CDC27: variants seen among roughly 807,000 people sequenced by gnomAD.
CDC27 encodes the protein cell division cycle protein 27 homolog.
CDC27 carries 27 observed loss-of-function variants against 109.7 expected under a neutral mutation model. That is an observed-to-expected ratio of 0.25 (90% CI 0.18 to 0.34). The LOEUF (loss-of-function observed/expected upper bound fraction) is 0.34, where lower values mean the gene tolerates loss of function less well. Among genes scored for constraint, CDC27 ranks in the 10% least tolerant of loss-of-function variants. The pLI, the probability that CDC27 is intolerant of heterozygous loss-of-function variation, is 1.00. For synonymous variants in CDC27, 266 were observed against 333.9 expected, an observed-to-expected ratio of 0.80 and a Z score of 2.22; for missense variants, 579 against 960.2, an observed-to-expected ratio of 0.60 and a Z score of 5.25.
intron 12 of CDC27, among the ~76,000 whole-genome samples, chr17:47,140,272 C>T (rs2062755635): frequency 6.6e-6 from 1 of 152,112 alleles, no homozygotes; most frequent in South Asian, 2.1e-4. Flanking sequence ...GCCACCACAC[C>T]CAGCTAATTT....
chr17:47,120,748 T>G lies in CDC27; in HGVS notation c.*187A>C. 2.0e-6 allele frequency: 1 copy of G among 498,252 alleles called. No homozygotes were observed. The allele number at this position is 498,252 out of a possible 1,614,324, so 30.9% of individuals were successfully genotyped here. A position where few individuals can be genotyped will look rare whatever the true frequency, so the allele number is the denominator to read the frequency against. On this transcript the variant is annotated 3_prime_UTR_variant, in exon 19 of 19. Coordinates refer to ENST00000066544, the MANE Select transcript of CDC27 (RefSeq NM_001256.6). ...ATACTGGTAAAAGAGCCAGTCTTGT[T>G]AGCAGCTAAATATTGCACTGCCTTT...
At position 47,169,925 on chromosome 17, in the gene CDC27, A is replaced by G; in HGVS notation, c.369T>C (p.His123=). Reference sequence around the variant, plus strand: ...GAATCATTCTTACTTACCAATATACATGTCCCAACAATGAAAGAGTAAAGC... The same window carrying G: ...GAATCATTCTTACTTACCAATATACGTGTCCCAACAATGAAAGAGTAAAGC... ...SACFTLSLLG[H]VYCKTDRLAK... is the part of the protein sequence containing the mutation. Residue 123 remains histidine (H), a synonymous_variant, in exon 4 of 19, where the codon CAT becomes CAC. Transcript: ENST00000066544. The G allele has an allele frequency of 6.3e-7, 1 of 1,589,820 alleles. No individual in the cohort carries two copies. The highest frequency in any genetic ancestry group is 8.5e-7 in the Non-Finnish European group (1 of 1,172,028).
At chr17:47,132,918 T>G (rs2062397367) in intron 14 of CDC27, among the ~76,000 whole-genome samples, 1 of 138,526 alleles carries the variant, frequency 7.2e-6, no homozygotes, top group Non-Finnish European at 1.5e-5. Flanking sequence ...CAACTACAGG[T>G]GCACGCCACC....
intron 1 of CDC27, among the ~76,000 whole-genome samples, chr17:47,185,922 G>A (rs1223955987): frequency 9.2e-5 from 14 of 152,196 alleles, no homozygotes; most frequent in Admixed American, 9.2e-4. Context: ...AATGTCTAGA[G>A]GGTATTTTTG....
At chr17:47,186,598 T>C (rs1353012580) in intron 1 of CDC27, among the ~76,000 whole-genome samples, 1 of 152,164 alleles carries the variant, frequency 6.6e-6, no homozygotes, top group Non-Finnish European at 1.5e-5. Flanking sequence ...ATAGTTACCA[T>C]TAAAAATAAA....
At chr17:47,186,907 A>G (rs1168975511) in intron 1 of CDC27, among the ~76,000 whole-genome samples, 1 of 152,032 alleles carries the variant, frequency 6.6e-6, no homozygotes, top group Admixed American at 6.6e-5. Context: ...CTGTCATCAT[A>G]GTTTTTTTTT....
chr17:47,168,215 C>A (rs2063707411), intron 4 of CDC27, among the ~76,000 whole-genome samples: 1 of 152,152 alleles, frequency 6.6e-6, no homozygotes, highest in Non-Finnish European at 1.5e-5. Context: ...TAATCTTCAG[C>A]TCCTCTCACC....
intron 9 of CDC27, among the ~76,000 whole-genome samples, chr17:47,149,099 AAAAG>A (rs1598474484): frequency 6.6e-6 from 1 of 151,888 alleles, no homozygotes; most frequent in East Asian, 1.9e-4. Flanking sequence ...AAAAAAAAGA[AAAAG>A]AAAGAAATTC....
chr17:47,145,645 G>A (rs1322918805), intron 9 of CDC27, among the ~76,000 whole-genome samples: 1 of 152,156 alleles, frequency 6.6e-6, no homozygotes, highest in Non-Finnish European at 1.5e-5. Context: ...GCTCACACAT[G>A]TAATCCCAGC....
At chr17:47,125,593 C>T (rs553245930) in intron 16 of CDC27, among the ~76,000 whole-genome samples, 126 of 147,258 alleles carry the variant, frequency 8.6e-4, no homozygotes, top group African/African-American at 2.6e-3. Context: ...TTTGCTCTGT[C>T]GTCCAGCCTG....
chr17:47,138,666 G>A, intron 13 of CDC27, 73 bp downstream of exon 13: 1 of 1,030,316 alleles, frequency 9.7e-7, no homozygotes, highest in Admixed American at 2.1e-5. Flanking sequence ...TGTTTGAATT[G>A]CTTGGTTCAT....
intron 9 of CDC27, among the ~76,000 whole-genome samples, chr17:47,149,487 G>C (rs1745691320): frequency 6.7e-6 from 1 of 148,198 alleles, no homozygotes; most frequent in African/African-American, 2.5e-5. Context: ...CTTCAGCCTG[G>C]TGACAGAGTG....
intron 1 of CDC27, chr17:47,188,753 A>C (rs2064549468): frequency 9.6e-7 from 1 of 1,046,052 alleles, no homozygotes; most frequent in Non-Finnish European, 1.2e-6. Flanking sequence ...TACCGTCACG[A>C]AGATCACACA....
chr17:47,129,471 T>A lies in CDC27; in HGVS notation c.2082A>T (p.Lys694Asn), dbSNP rs1249008590. The A allele has an allele frequency of 2.5e-6, 4 of 1,609,794 alleles. No individual in the cohort carries two copies. Among genetic ancestry groups the A allele is most frequent in the Non-Finnish European group, 3.4e-6 (4 of 1,176,366 alleles). ...GGTTCTTGGGATCAATGACAATGGC[T>A]TTGTTTAGGGTATCCAAAGCCTTCT... The part of the protein sequence containing the change: ...KSEKALDTLN[K>N]AIVIDPKNPL... Residue 694 changes from lysine (K) to asparagine (N), a missense_variant, in exon 16 of 19, where the codon AAA (lysine) becomes AAT (asparagine). By Grantham distance (94) the Lys-to-Asn change is moderately conservative (BLOSUM62 0). Transcript: ENST00000066544.
intron 4 of CDC27, among the ~76,000 whole-genome samples, chr17:47,160,525 C>G (rs949833695): frequency 2.6e-5 from 4 of 152,082 alleles, no homozygotes; most frequent in African/African-American, 9.7e-5. Context: ...AGCACCTGGT[C>G]GCCTCCTCCT....
chr17:47,154,556 A>C, intron 8 of CDC27, 116 bp downstream of exon 8: 2 of 602,744 alleles, frequency 3.3e-6, no homozygotes, highest in South Asian at 4.5e-5. Context: ...GCTGGGTTCA[A>C]ATATAAGGCA....
chr17:47,182,698 T>C (rs1292203614), intron 1 of CDC27, among the ~76,000 whole-genome samples: 1 of 152,228 alleles, frequency 6.6e-6, no homozygotes, highest in Non-Finnish European at 1.5e-5. Context: ...CATTGCTGAA[T>C]AAATAATATT....
At chr17:47,169,696 T>C (rs768902228) in intron 4 of CDC27, 18 of 335,638 alleles carry the variant, frequency 5.4e-5, no homozygotes, top group Non-Finnish European at 7.5e-5. Context: ...ACATGTATGA[T>C]CAATTGTTAG....
At position 47,118,904 on chromosome 17, in the gene CDC27, T is replaced by A. The variant is rs1356803992; in HGVS notation, c.*2031A>T. The A allele has an allele frequency of 6.6e-6, 1 of 152,162 alleles. No individual in the cohort carries two copies. Among genetic ancestry groups the A allele is most frequent in the Non-Finnish European group, 1.5e-5 (1 of 68,028 alleles). The allele number at this position is 152,162 out of a possible 1,614,324, so 9.4% of individuals were successfully genotyped here. A position where few individuals can be genotyped will look rare whatever the true frequency, so the allele number is the denominator to read the frequency against. On this transcript the variant is annotated 3_prime_UTR_variant, in exon 19 of 19. Coordinates refer to ENST00000066544, the MANE Select transcript of CDC27 (RefSeq NM_001256.6). ...TGCCATGGCATGTCTTACAAAACGA[T>A]CCTTTTATCCTTGGTCTCAAAAAAT... is the stretch of plus-strand genomic sequence containing the variant.
Sources: gnomAD v4.1 joint callset for allele counts (sites outside exome capture counted in the v4.1 genomes callset) on GRCh38, gnomAD v4.1.1 for gene constraint, MANE v1.5 for transcripts, NCBI Gene and HGNC (gene_info 2026-07-23, HGNC 2026-07-21) for gene names.